Variants in NIPSNAP3A observed in about 807,000 individuals in gnomAD.
The protein encoded by NIPSNAP3A is nipsnap homolog 3A.
In NIPSNAP3A, 27 loss-of-function variants were observed where a neutral mutation model predicts 32.3. The ratio of observed to expected loss-of-function variants is 0.84; its 90% CI spans 0.62 to 1.15. NIPSNAP3A has a LOEUF of 1.15. NIPSNAP3A is among the 50% of genes most tolerant of loss of function. NIPSNAP3A has a pLI of 0.00. For synonymous variants in NIPSNAP3A, 108 were observed against 107.3 expected, an observed-to-expected ratio of 1.01 and a Z score of -0.04; for missense variants, 278 against 297.2, an observed-to-expected ratio of 0.94 and a Z score of 0.48.
intron 3 of NIPSNAP3A, chr9:104,753,690 G>A (rs1211048381): frequency 6.6e-6 from 1 of 152,348 alleles, no homozygotes; most frequent in Non-Finnish European, 1.5e-5. Flanking sequence ...GATTAGAAAA[G>A]CATAAACTTA....
At chr9:104,749,237 T>C (rs1309099359) in intron 1 of NIPSNAP3A, among the ~76,000 whole-genome samples, 1 of 152,212 alleles carries the variant, frequency 6.6e-6, no homozygotes, top group Non-Finnish European at 1.5e-5. Context: ...CACTTGCTTC[T>C]TGACCAACAT....
At chr9:104,752,841 C>G in intron 2 of NIPSNAP3A, 65 bp from the exon 3 acceptor site, 1 of 1,396,294 alleles carries the variant, frequency 7.2e-7, no homozygotes, top group Non-Finnish European at 1.0e-6. Context: ...GTGAATGAAA[C>G]CCAGAAAAGT....
Position 104,754,705 on chromosome 9 carries a change from A to G in NIPSNAP3A, c.580+5A>G. 1.2e-6 allele frequency: 2 copies of G among 1,611,970 alleles called. No individual in the cohort carries two copies. Among genetic ancestry groups the G allele is most frequent in the South Asian group, 2.2e-5 (2 of 91,046 alleles). On this transcript the variant is annotated splice_donor_5th_base_variant and intron_variant, in intron 4 of 5. Coordinates refer to ENST00000374767, the MANE Select transcript of NIPSNAP3A (RefSeq NM_015469.3). ...AGTACGGAGCACTCAACAGAGGTACAATTGTCCATTTCTTCTTATATGAAA... is the reference window on the plus strand; with the variant it reads ...AGTACGGAGCACTCAACAGAGGTACGATTGTCCATTTCTTCTTATATGAAA...
At position 104,747,814 on chromosome 9, in the gene NIPSNAP3A, C is replaced by A. The variant is rs376013429; in HGVS notation, c.22C>A (p.Leu8Met). Residue 8 changes from leucine to methionine, a missense_variant, in exon 1 of 6, where the codon CTG (leucine) becomes ATG (methionine). By Grantham distance (15) the Leu-to-Met change is conservative. Coordinates refer to ENST00000374767, the MANE Select transcript of NIPSNAP3A (RefSeq NM_015469.3). Reference sequence around the variant, plus strand: ...CGCCATGCTCGTCCTCAGAAGCGCCCTGACTCGGGCGCTGGCCTCACGGAC... The same window carrying A: ...CGCCATGCTCGTCCTCAGAAGCGCCATGACTCGGGCGCTGGCCTCACGGAC... Reference protein sequence around the residue: MLVLRSALTRALASRTLA... With the variant: MLVLRSAMTRALASRTLA... The A allele has an allele frequency of 6.2e-7, 1 of 1,609,166 alleles. No homozygotes were observed.
chr9:104,750,338 C>T (rs1457178238), intron 1 of NIPSNAP3A, among the ~76,000 whole-genome samples: 2 of 152,146 alleles, frequency 1.3e-5, no homozygotes, highest in Non-Finnish European at 2.9e-5. Flanking sequence ...CTAAAGGTGA[C>T]AGTGAACCCC....
intron 3 of NIPSNAP3A, chr9:104,753,566 T>G (rs1827871894): frequency 6.5e-6 from 1 of 153,508 alleles, no homozygotes; most frequent in South Asian, 2.0e-4. Flanking sequence ...CTTTTGTGTC[T>G]TCTTTCTTGT....
intron 3 of NIPSNAP3A, chr9:104,753,939 C>T (rs1347394425): frequency 6.6e-6 from 1 of 152,376 alleles, no homozygotes; most frequent in Non-Finnish European, 1.5e-5. Flanking sequence ...GTTTCTTTCT[C>T]TCCACCAGCC....
chr9:104,753,491 A>G (rs1827870392), intron 3 of NIPSNAP3A: 1 of 161,540 alleles, frequency 6.2e-6, no homozygotes, highest in African/African-American at 2.4e-5. Context: ...AGCTTTGCTT[A>G]TAAAACTGAG....
intron 2 of NIPSNAP3A, among the ~76,000 whole-genome samples, chr9:104,752,077 ACTTAAGTTGTAAGATAGGTATTCTTC>A (rs927328993): frequency 3.3e-5 from 5 of 152,106 alleles, no homozygotes; most frequent in African/African-American, 1.2e-4. Context: ...GATATACCTC[ACTTAAGTTGTAAGATAGGTATTCTTC>A]CTTATCCCAA....
chr9:104,755,778 G>GC (rs1362991275), intron 4 of NIPSNAP3A, among the ~76,000 whole-genome samples: 1 of 151,998 alleles, frequency 6.6e-6, no homozygotes, highest in Non-Finnish European at 1.5e-5. Context: ...AATTAGTTGG[G>GC]CATGGTGGCA....
Position 104,754,645 on chromosome 9 carries a change from A to G in NIPSNAP3A, c.525A>G (p.Leu175=). 1 of 1,613,968 alleles carries G rather than the reference A, an allele frequency of 6.2e-7. No homozygotes were observed. The highest frequency in any genetic ancestry group is 8.5e-7 in the Non-Finnish European group (1 of 1,179,840). Reference sequence around the variant, plus strand: ...GGGCAGTTCATGCTCATGTCAATCTAGGCTACACAAAACTAGTTGGAGTGT... The same window carrying G: ...GGGCAGTTCATGCTCATGTCAATCTGGGCTACACAAAACTAGTTGGAGTGT... The part of the protein sequence containing the change: ...FKRAVHAHVN[L]GYTKLVGVFH... Residue 175 remains leucine, a synonymous_variant, in exon 4 of 6, where the codon CTA becomes CTG. Coordinates refer to ENST00000374767, the MANE Select transcript of NIPSNAP3A (RefSeq NM_015469.3).
intron 4 of NIPSNAP3A, among the ~76,000 whole-genome samples, chr9:104,755,017 A>G (rs1365475043): frequency 6.6e-6 from 1 of 152,046 alleles, no homozygotes; most frequent in Non-Finnish European, 1.5e-5. Flanking sequence ...GAGGGGGTGG[A>G]TCACCTGAGG....
At chr9:104,748,366 T>C (rs959399519) in intron 1 of NIPSNAP3A, among the ~76,000 whole-genome samples, 1 of 151,784 alleles carries the variant, frequency 6.6e-6, no homozygotes, top group Non-Finnish European at 1.5e-5. Context: ...TCCGAGCATT[T>C]CGCGGAGACC....
At chr9:104,752,531 A>T (rs1467324720) in intron 2 of NIPSNAP3A, among the ~76,000 whole-genome samples, 1 of 152,180 alleles carries the variant, frequency 6.6e-6, no homozygotes, top group Non-Finnish European at 1.5e-5. Flanking sequence ...CAACCGCTAT[A>T]TTCTAAACTC....
Position 104,747,733 on chromosome 9 carries a change from C to G in NIPSNAP3A, c.-60C>G. ...AGCCGCTCCTTTCCACTCGGGAAAC[C>G]TTCAGAGGAGTCTCAGAAAGGACAC... is the stretch of plus-strand genomic sequence containing the variant. On this transcript the variant is annotated 5_prime_UTR_variant, in exon 1 of 6. Transcript: ENST00000374767. 2 of 1,519,426 alleles carry G rather than the reference C, an allele frequency of 1.3e-6. No individual in the cohort carries two copies. The highest frequency in any genetic ancestry group is 1.2e-5 in the South Asian group (1 of 85,044). The allele number at this position is 1,519,426 out of a possible 1,614,324, so 94.1% of individuals were successfully genotyped here.
Position 104,750,978 on chromosome 9 carries a change from G to A in NIPSNAP3A, c.83G>A (p.Gly28Glu), listed in dbSNP as rs781197472. The A allele has an allele frequency of 4.3e-6, 7 of 1,613,482 alleles. No homozygotes were observed. The highest frequency in any genetic ancestry group is 5.1e-6 in the Non-Finnish European group (6 of 1,179,556). Residue 28 changes from glycine to glutamate, a missense_variant, in exon 2 of 6, where the codon GGA becomes GAA. Transcript: ENST00000374767. The part of the protein sequence containing the change: ...APQMCSSFAT[G>E]PRQYDGIFYE... ...CAGATGTGCTCATCTTTTGCTACGG[G>A]ACCCAGACAATACGATGGAATATTC...
chr9:104,758,995 A>G, intron 4 of NIPSNAP3A, 90 bp from the exon 5 acceptor site: 1 of 1,075,612 alleles, frequency 9.3e-7, no homozygotes, highest in Non-Finnish European at 1.3e-6. Context: ...AAAAAAAAAA[A>G]AGAATAGGAT....
Position 104,756,340 on chromosome 9 carries a change from A to AG in NIPSNAP3A, c.580+1641dup, listed in dbSNP as rs915307353. On this transcript the variant is annotated intron_variant, in intron 4 of 5. Transcript: ENST00000374767. ...CCAAAAGCAAATGAAGAAACTATGA[A>AG]GAAAAAAAAATCAACTTATGATTTT... Among the ~76,000 whole-genome samples the AG allele has an allele frequency of 1.7e-4, 26 of 152,256 alleles. 1 individual carries two copies. Among genetic ancestry groups the AG allele is most frequent in the African/African-American group, 5.5e-4 (23 of 41,572 alleles).
chr9:104,755,955 C>CT (rs1443694208), intron 4 of NIPSNAP3A, among the ~76,000 whole-genome samples: 4 of 152,004 alleles, frequency 2.6e-5, no homozygotes, highest in African/African-American at 9.7e-5. Context: ...GGATAAATGT[C>CT]TAAGAATAGC....
Sources: gnomAD v4.1 joint callset for allele counts (sites outside exome capture counted in the v4.1 genomes callset) on GRCh38, gnomAD v4.1.1 for gene constraint, MANE v1.5 for transcripts, NCBI Gene and HGNC (gene_info 2026-07-23, HGNC 2026-07-21) for gene names.